PCDHGA5: variants seen among roughly 807,000 people sequenced by gnomAD.
The protein encoded by PCDHGA5 is protocadherin gamma subfamily A, 5, also known as protocadherin gamma-A5.
A neutral mutation model predicts 56.7 loss-of-function variants in PCDHGA5; 36 were observed. The ratio of observed to expected loss-of-function variants is 0.64; its 90% CI spans 0.49 to 0.84. The LOEUF (loss-of-function observed/expected upper bound fraction) is 0.84. Ranked by LOEUF, PCDHGA5 falls within the 40% of genes least tolerant of loss-of-function variation. PCDHGA5 has a pLI of 0.00. For missense variants in PCDHGA5, 1,305 were observed against 1,201.5 expected, an observed-to-expected ratio of 1.09 and a Z score of -1.27; for synonymous variants, 563 against 520.2, an observed-to-expected ratio of 1.08 and a Z score of -1.12.
At chr5:141,424,762 A>T (rs1002777641) in intron 1 of PCDHGA5, 8 of 152,124 alleles carry the variant, frequency 5.3e-5, no homozygotes, top group African/African-American at 1.9e-4. Context: ...GGTCATTCTT[A>T]TGGCAAATAG....
Position 141,489,690 on chromosome 5 carries a change from A to T in PCDHGA5, c.2422-5117A>T. The T allele has an allele frequency of 6.2e-7, 1 of 1,614,198 alleles. No individual in the cohort carries two copies. The highest frequency in any genetic ancestry group is 8.5e-7 in the Non-Finnish European group (1 of 1,180,024). ...TCTCAGAATCAGCAGCATCTGGGGC[A>T]CGATTCCCACTGGACAGTGCCCAGG... On this transcript the variant is annotated intron_variant, in intron 1 of 3. Coordinates refer to ENST00000518069, the MANE Select transcript of PCDHGA5 (RefSeq NM_018918.3). The surrounding 1 kb of genome is among the most constrained non-coding windows in gnomAD (Gnocchi z 4.5).
intron 1 of PCDHGA5, among the ~76,000 whole-genome samples, chr5:141,445,582 T>C (rs886701142): frequency 6.6e-6 from 1 of 152,214 alleles, no homozygotes; most frequent in Non-Finnish European, 1.5e-5. Context: ...TAGGGAAGCT[T>C]CGCCTAATCT....
chr5:141,393,962 C>G (rs2150548263), intron 1 of PCDHGA5: 1 of 1,613,894 alleles, frequency 6.2e-7, no homozygotes, highest in Non-Finnish European at 8.5e-7. Flanking sequence ...GTCAAGTTGT[C>G]TGTTACACAC....
chr5:141,374,352 T>C lies in PCDHGA5; in HGVS notation c.2421+7601T>C, dbSNP rs1288920388. The C allele has an allele frequency of 4.3e-6, 7 of 1,614,010 alleles. No homozygotes were observed. The Admixed American group carries it at 5.0e-5, about 12-fold the overall frequency. On this transcript the variant is annotated intron_variant, in intron 1 of 3. Transcript: ENST00000518069. ...GGCAGCTTGGTCACCGCGGGTAGGA[T>C]AGACCGCGAGGAGCTCTGTGCTCAG...
intron 1 of PCDHGA5, chr5:141,370,251 A>G (rs981279976): frequency 4.3e-6 from 3 of 695,796 alleles, no homozygotes; most frequent in Non-Finnish European, 6.9e-6. Context: ...TGCACTCTCT[A>G]TCAGGCTTCC....
At chr5:141,418,583 T>A (rs1242446631) in intron 1 of PCDHGA5, 1 of 1,613,862 alleles carries the variant, frequency 6.2e-7, no homozygotes, top group Non-Finnish European at 8.5e-7. Flanking sequence ...CCCCCCAGTG[T>A]TCAGCCAGGA....
rs765969768 is a variant in PCDHGA5, at chr5:141,421,456, G to A, written c.2421+54705G>A. ...CTCCAGAGGGAAGACACAGCTTTTC[G>A]CTGTGAATCCGCGAAGCGGCAGCTT... is the stretch of plus-strand genomic sequence containing the variant. On this transcript the variant is annotated intron_variant, in intron 1 of 3. Transcript: ENST00000518069. 9.3e-6 allele frequency: 15 copies of A among 1,614,132 alleles called. No homozygotes were observed. Among genetic ancestry groups the A allele is most frequent in the Non-Finnish European group, 1.1e-5 (13 of 1,179,948 alleles).
At chr5:141,374,437 C>T in intron 1 of PCDHGA5, 2 of 1,613,846 alleles carry the variant, frequency 1.2e-6, no homozygotes, top group Non-Finnish European at 1.7e-6. Context: ...ATCTTTATCC[C>T]GTGGAAGTGG....
At chr5:141,419,547 T>C (rs2096397603) in intron 1 of PCDHGA5, 6 of 1,612,070 alleles carry the variant, frequency 3.7e-6, no homozygotes, top group Non-Finnish European at 5.1e-6. Context: ...CCGCGGGTGC[T>C]GTACCCTGCG....
At chr5:141,507,896 G>A (rs1457319438) in intron 3 of PCDHGA5, among the ~76,000 whole-genome samples, 1 of 152,210 alleles carries the variant, frequency 6.6e-6, no homozygotes, top group African/African-American at 2.4e-5. Flanking sequence ...GGTTCCTGAA[G>A]TCCAGCCCAG....
At chr5:141,478,941 A>C (rs889484528) in intron 1 of PCDHGA5, 9 of 589,470 alleles carry the variant, frequency 1.5e-5, no homozygotes, top group Non-Finnish European at 2.0e-5. Context: ...TTCTAGGAAT[A>C]CAAAAACTAC....
intron 1 of PCDHGA5, among the ~76,000 whole-genome samples, chr5:141,434,746 C>T (rs1591345130): frequency 6.6e-6 from 1 of 151,796 alleles, no homozygotes; most frequent in South Asian, 2.1e-4. Context: ...GGCTATGAGA[C>T]CCCTGATTCC....
chr5:141,375,010 T>C (rs1771037027), intron 1 of PCDHGA5: 3 of 1,613,932 alleles, frequency 1.9e-6, no homozygotes, highest in Non-Finnish European at 1.7e-6. Context: ...ATCTAGACTA[T>C]GAGGACTCGA....
chr5:141,492,859 C>T (rs966216924), intron 1 of PCDHGA5, among the ~76,000 whole-genome samples: 1 of 152,232 alleles, frequency 6.6e-6, no homozygotes, highest in Non-Finnish European at 1.5e-5. Flanking sequence ...CTCGAGCGCC[C>T]TGGCTCTCAA....
Position 141,419,681 on chromosome 5 carries a change from G to A in PCDHGA5, c.2421+52930G>A, listed in dbSNP as rs377117997. ...GCACAATGCCTGGCTGTCCTACCACGTGGTGCAGGCCAGTGAGCCCGGGCT... is the reference window on the plus strand; with the variant it reads ...GCACAATGCCTGGCTGTCCTACCACATGGTGCAGGCCAGTGAGCCCGGGCT... On this transcript the variant is annotated intron_variant, in intron 1 of 3. Coordinates refer to ENST00000518069, the MANE Select transcript of PCDHGA5 (RefSeq NM_018918.3). 76 of 1,612,904 alleles carry A rather than the reference G, an allele frequency of 4.7e-5. No homozygotes were observed. The highest frequency in any genetic ancestry group is 5.7e-5 in the Non-Finnish European group (67 of 1,179,706).
chr5:141,472,009 G>A (rs917861040), intron 1 of PCDHGA5, among the ~76,000 whole-genome samples: 11 of 152,074 alleles, frequency 7.2e-5, no homozygotes, highest in African/African-American at 2.7e-4. Flanking sequence ...TCGTATAGGG[G>A]CACTATATTG....
chr5:141,393,348 T>C (rs754496387), intron 1 of PCDHGA5: 16 of 1,613,730 alleles, frequency 9.9e-6, no homozygotes, highest in Non-Finnish European at 1.4e-5. Context: ...TCACCACTTC[T>C]CCCTGGACGT....
chr5:141,431,624 G>C lies in PCDHGA5; in HGVS notation c.2422-63183G>C. The C allele has an allele frequency of 2.5e-6, 4 of 1,614,234 alleles. No individual in the cohort carries two copies. Among genetic ancestry groups the C allele is most frequent in the Non-Finnish European group, 3.4e-6 (4 of 1,180,038 alleles). On this transcript the variant is annotated intron_variant, in intron 1 of 3. Transcript: ENST00000518069. This position sits in a 1 kb window ranked among gnomAD's most constrained non-coding sequence, Gnocchi z 4.8. ...CTTCCGGTATGTGGACGACAAGGCG[G>C]CCCAAGTTTTCAAACTAGATTGTAA...
At chr5:141,376,549 TC>T in intron 1 of PCDHGA5, 1 of 1,612,110 alleles carries the variant, frequency 6.2e-7, no homozygotes, top group South Asian at 1.1e-5. Context: ...AATCTGATCT[TC>T]CCGCAACCCA....
Sources: allele counts gnomAD v4.1 joint callset (sites outside exome capture counted in the v4.1 genomes callset), GRCh38; gene constraint gnomAD v4.1.1; non-coding constraint Gnocchi (gnomAD v3.1); transcripts MANE v1.5; gene names NCBI Gene and HGNC (gene_info 2026-07-23, HGNC 2026-07-21).